The following CNNM1 variants were observed in gnomAD, a reference collection of about 807,000 sequenced individuals.
The protein encoded by CNNM1 is cyclin and CBS domain divalent metal cation transport mediator 1, also known as metal transporter CNNM1.
In CNNM1, 44 loss-of-function variants were observed where a neutral mutation model predicts 78.8. The ratio of observed to expected loss-of-function variants is 0.56; its 90% CI spans 0.44 to 0.72. The LOEUF (loss-of-function observed/expected upper bound fraction) is 0.72, where lower values mean the gene tolerates loss of function less well. Ranked by LOEUF, CNNM1 falls within the 30% of genes least tolerant of loss-of-function variation. The pLI, the probability that CNNM1 is intolerant of heterozygous loss-of-function variation, is 0.00. For missense variants in CNNM1, 1,101 were observed against 1,292.2 expected (o/e 0.85, Z 2.27); for synonymous variants, 584 against 581.5 (o/e 1.00, Z -0.06).
chr10:99,342,204 G>A (rs1039344595), intron 1 of CNNM1, among the ~76,000 whole-genome samples: 1 of 152,192 alleles, frequency 6.6e-6, no homozygotes, highest in African/African-American at 2.4e-5. Flanking sequence ...GTTAGGTTTT[G>A]ACTGTAAGCC....
intron 6 of CNNM1, among the ~76,000 whole-genome samples, chr10:99,376,290 G>A (rs1011275066): frequency 2.0e-5 from 3 of 152,044 alleles, no homozygotes; most frequent in African/African-American, 7.3e-5. Flanking sequence ...GAAGCCCTAG[G>A]GCCAGTGCTG....
At position 99,391,492 on chromosome 10, in the gene CNNM1, C is replaced by A. The variant is rs201434355; in HGVS notation, c.2832C>A (p.Ser944=). 7.4e-6 allele frequency: 12 copies of A among 1,613,844 alleles called. No homozygotes were observed. In the African/African-American group the frequency reaches 1.5e-4, roughly 20 times the overall value. Residue 944 remains serine, a synonymous_variant, in exon 11 of 11, where the codon TCC becomes TCA. Coordinates refer to ENST00000356713, the MANE Select transcript of CNNM1 (RefSeq NM_020348.3). The part of the protein sequence containing the change: ...PEGERTSEDN[S]NLTPLIT ...GAGAGAGAACCTCTGAGGACAACTC[C>A]AATTTAACACCTCTGATCACATGAC... is the stretch of plus-strand genomic sequence containing the variant.
Position 99,391,702 on chromosome 10 carries a change from AAC to A in CNNM1, c.*187_*188del, listed in dbSNP as rs2134088251. On this transcript the variant is annotated 3_prime_UTR_variant, in exon 11 of 11. Coordinates refer to ENST00000356713, the MANE Select transcript of CNNM1 (RefSeq NM_020348.3). ...CCTCGTTACCTCCAGTTCGACTCAG[AAC>A]CTTGACATGGCCATAACAGAAGGAG... is the stretch of plus-strand genomic sequence containing the variant. 1.7e-6 allele frequency: 1 copy of A among 574,076 alleles called. No homozygotes were observed. Among genetic ancestry groups the A allele is most frequent in the East Asian group, 3.0e-5 (1 of 33,888 alleles). 35.6% of individuals were successfully genotyped at this position (574,076 alleles called of 1,614,324 possible). A position where few individuals can be genotyped will look rare whatever the true frequency, so the allele number is the denominator to read the frequency against.
chr10:99,351,418 G>T lies in CNNM1; in HGVS notation c.1574-6094G>T, dbSNP rs548394436. Among the ~76,000 whole-genome samples the T allele has an allele frequency of 8.4e-4, 128 of 152,288 alleles. 1 individual carries two copies. In the Middle Eastern group the frequency reaches 0.024, roughly 28 times the overall value. On this transcript the variant is annotated intron_variant, in intron 1 of 10. Transcript: ENST00000356713. ...GCCATTAGGAAGTAAAGGTAGAAATGGTAAACAGGTAGAGAGGAGAAATAA... is the reference window on the plus strand; with the variant it reads ...GCCATTAGGAAGTAAAGGTAGAAATTGTAAACAGGTAGAGAGGAGAAATAA...
intron 7 of CNNM1, among the ~76,000 whole-genome samples, chr10:99,386,977 C>T (rs2032325927): frequency 6.6e-6 from 1 of 152,150 alleles, no homozygotes; most frequent in African/African-American, 2.4e-5. Context: ...CCCTTCTTCC[C>T]CCAGTGCCAG....
At chr10:99,341,030 A>G (rs2030436879) in intron 1 of CNNM1, among the ~76,000 whole-genome samples, 1 of 152,138 alleles carries the variant, frequency 6.6e-6, no homozygotes, top group African/African-American at 2.4e-5. Flanking sequence ...ACCAAGCAAT[A>G]AATAATTACA....
intron 4 of CNNM1, 143 bp from the exon 5 acceptor site, chr10:99,364,272 CTG>C (rs1179991667): frequency 3.3e-6 from 2 of 605,100 alleles, no homozygotes; most frequent in East Asian, 5.7e-5. Flanking sequence ...ACATGTAAAT[CTG>C]GAGAGAATTA....
intron 1 of CNNM1, among the ~76,000 whole-genome samples, chr10:99,333,419 A>G (rs1043585925): frequency 2.0e-5 from 3 of 152,166 alleles, no homozygotes; most frequent in Non-Finnish European, 2.9e-5. Flanking sequence ...ATCTTGGCTC[A>G]CTACAAACTC....
chr10:99,353,501 A>G (rs1236100764), intron 1 of CNNM1, among the ~76,000 whole-genome samples: 1 of 152,124 alleles, frequency 6.6e-6, no homozygotes, highest in African/African-American at 2.4e-5. Flanking sequence ...GGAGGGAGTG[A>G]CTTGTGCTTG....
intron 1 of CNNM1, among the ~76,000 whole-genome samples, chr10:99,340,611 T>G (rs1031813182): frequency 1.3e-5 from 2 of 152,156 alleles, no homozygotes; most frequent in African/African-American, 4.8e-5. Context: ...GTTTGGGGAT[T>G]CTGGGACCTT....
chr10:99,391,550 A>G lies in CNNM1; in HGVS notation c.*34A>G. ...AGCCAGCATTCACTGGGTGTGTGAAATTCCAGAGCTTTGGGGGAGAATCCA... is the reference window on the plus strand; with the variant it reads ...AGCCAGCATTCACTGGGTGTGTGAAGTTCCAGAGCTTTGGGGGAGAATCCA... On this transcript the variant is annotated 3_prime_UTR_variant, in exon 11 of 11. Coordinates refer to ENST00000356713, the MANE Select transcript of CNNM1 (RefSeq NM_020348.3). 2 of 1,581,554 alleles carry G rather than the reference A, an allele frequency of 1.3e-6. No individual in the cohort carries two copies. The highest frequency in any genetic ancestry group is 1.7e-6 in the Non-Finnish European group (2 of 1,152,438).
chr10:99,346,334 TCTTAGA>T (rs1333468135), intron 1 of CNNM1, among the ~76,000 whole-genome samples: 5 of 152,190 alleles, frequency 3.3e-5, no homozygotes, highest in Non-Finnish European at 5.9e-5. Context: ...GAAAAAAATC[TCTTAGA>T]CTTCATTACA....
chr10:99,364,449 C>T lies in CNNM1; in HGVS notation c.2061C>T (p.Gly687=). The change falls in exon 5 of 11, where the codon GGC becomes GGT. Residue 687 remains glycine, a synonymous_variant. Coordinates refer to ENST00000356713, the MANE Select transcript of CNNM1 (RefSeq NM_020348.3). ...TGGAGGTGGAGGTTGGTAAGGAAGG[C>T]CTTCGCTTTGAAAATGGAGCCTTTA... ...GKVEVEVGKE[G]LRFENGAFTY... 1.2e-6 allele frequency: 2 copies of T among 1,612,236 alleles called. No homozygotes were observed. Among genetic ancestry groups the T allele is most frequent in the Non-Finnish European group, 1.7e-6 (2 of 1,179,300 alleles).
intron 1 of CNNM1, among the ~76,000 whole-genome samples, chr10:99,336,169 A>G (rs2030176731): frequency 6.6e-6 from 1 of 152,226 alleles, no homozygotes; most frequent in Non-Finnish European, 1.5e-5. Flanking sequence ...ATAAGATTAC[A>G]TTGGAGCTGG....
chr10:99,346,063 T>A (rs1009169814), intron 1 of CNNM1, among the ~76,000 whole-genome samples: 2 of 151,972 alleles, frequency 1.3e-5, no homozygotes, highest in African/African-American at 2.4e-5. Context: ...GCAAAAAAAA[T>A]ACCAAAAAAT....
intron 1 of CNNM1, among the ~76,000 whole-genome samples, chr10:99,331,595 G>A (rs2134009310): frequency 6.6e-6 from 1 of 152,312 alleles, no homozygotes; most frequent in East Asian, 1.9e-4. Context: ...GGCCGGGCGC[G>A]GCGGCTCATG....
chr10:99,345,758 T>C (rs1042889349), intron 1 of CNNM1, among the ~76,000 whole-genome samples: 1 of 152,238 alleles, frequency 6.6e-6, no homozygotes, highest in African/African-American at 2.4e-5. Flanking sequence ...TCTTGAAGCT[T>C]TCCAGAAATC....
At chr10:99,332,820 T>C (rs948940066) in intron 1 of CNNM1, among the ~76,000 whole-genome samples, 1 of 152,204 alleles carries the variant, frequency 6.6e-6, no homozygotes, top group African/African-American at 2.4e-5. Flanking sequence ...CCATTTTCGG[T>C]TGCTGTCTCA....
At chr10:99,364,862 TTGGTGC>T in intron 5 of CNNM1, 87 bp from the exon 6 acceptor site, 1 of 1,205,006 alleles carries the variant, frequency 8.3e-7, no homozygotes. Context: ...ACAGGGTTAA[TTGGTGC>T]TGGGGGTGGA....
Sources: allele counts gnomAD v4.1 joint callset (sites outside exome capture counted in the v4.1 genomes callset), GRCh38; gene constraint gnomAD v4.1.1; transcripts MANE v1.5; gene names NCBI Gene and HGNC (gene_info 2026-07-23, HGNC 2026-07-21).